The following ITGA1 variants were observed in gnomAD, a reference collection of about 807,000 sequenced individuals.
ITGA1 encodes the protein integrin subunit alpha 1, also known as integrin alpha-1.
ITGA1 carries 85 observed loss-of-function variants against 145.9 expected under a neutral mutation model. The observed-to-expected ratio is 0.58, with a 90% CI of 0.49 to 0.70. ITGA1 has a LOEUF of 0.70. Among genes scored for constraint, ITGA1 ranks in the 30% least tolerant of loss-of-function variants. ITGA1 has a pLI of 0.00. For synonymous variants in ITGA1, 520 were observed against 495.3 expected, an observed-to-expected ratio of 1.05 and a Z score of -0.66; for missense variants, 1,351 against 1,418.7, an observed-to-expected ratio of 0.95 and a Z score of 0.77.
chr5:52,812,576 A>T (rs1009531207), intron 1 of ITGA1, among the ~76,000 whole-genome samples: 3 of 152,158 alleles, frequency 2.0e-5, no homozygotes, highest in Non-Finnish European at 4.4e-5. Flanking sequence ...GGACTAGAAA[A>T]TCTTGGATCT....
chr5:52,893,441 C>T (rs1203901785), intron 8 of ITGA1, among the ~76,000 whole-genome samples: 2 of 152,182 alleles, frequency 1.3e-5, no homozygotes, highest in African/African-American at 4.8e-5. Flanking sequence ...GAAATTTTCA[C>T]AGACATACAA....
At chr5:52,901,789 A>C (rs1269686220) in intron 11 of ITGA1, 1 of 152,200 alleles carries the variant, frequency 6.6e-6, no homozygotes, top group Non-Finnish European at 1.5e-5. Flanking sequence ...CAGTATTTAT[A>C]ATATATGACT....
intron 1 of ITGA1, among the ~76,000 whole-genome samples, chr5:52,844,675 T>C (rs1387179098): frequency 6.6e-6 from 1 of 152,228 alleles, no homozygotes; most frequent in Non-Finnish European, 1.5e-5. Context: ...TTTCAATTGC[T>C]GGTACATGTG....
At chr5:52,911,983 A>ACTATATATAC (rs1554046455) in intron 14 of ITGA1, among the ~76,000 whole-genome samples, 35 of 71,644 alleles carry the variant, frequency 4.9e-4, no homozygotes, top group African/African-American at 1.5e-3. Context: ...TATATATACT[A>ACTATATATAC]TATGTATAGT....
At position 52,920,376 on chromosome 5, in the gene ITGA1, C is replaced by G. The variant is rs1199064994; in HGVS notation, c.2200C>G (p.Arg734Gly). The G allele has an allele frequency of 6.2e-7, 1 of 1,611,228 alleles. No homozygotes were observed. ...VTLDSLRQIS[R>G]SFFSGTQERK... ...CCTAGATTCACTAAGACAAATATCA[C>G]GAAGTTTTTTCTCTGGAACTCAAGA... The change falls in exon 17 of 29, where the codon CGA (arginine) becomes GGA (glycine). Residue 734 changes from arginine to glycine, a missense_variant. Coordinates refer to ENST00000282588, the MANE Select transcript of ITGA1 (RefSeq NM_181501.2).
Position 52,788,266 on chromosome 5 carries a change from T to A in ITGA1, c.-88T>A. The A allele has an allele frequency of 9.5e-7, 1 of 1,047,404 alleles. No homozygotes were observed. The highest frequency in any genetic ancestry group is 1.3e-6 in the Non-Finnish European group (1 of 772,790). The allele number at this position is 1,047,404 out of a possible 1,614,324, so 64.9% of individuals were successfully genotyped here. On this transcript the variant is annotated 5_prime_UTR_variant, in exon 1 of 29. Transcript: ENST00000282588. The stretch of plus-strand genomic sequence containing the variant: ...AGGACTGGGAACCGCGGCAGCGGGA[T>A]AAGTGGCCCAGCCAGAGAGCGCAGC...
chr5:52,945,482 T>A (rs1246256296), intron 27 of ITGA1, among the ~76,000 whole-genome samples: 3 of 152,146 alleles, frequency 2.0e-5, no homozygotes, highest in African/African-American at 7.2e-5. Context: ...CAAATTTCAT[T>A]GAGAAATTTG....
chr5:52,820,126 C>T (rs1489945132), intron 1 of ITGA1, among the ~76,000 whole-genome samples: 6 of 151,834 alleles, frequency 4.0e-5, no homozygotes, highest in Non-Finnish European at 5.9e-5. Context: ...CTTGGCAATG[C>T]AGGCTCATTT....
intron 1 of ITGA1, 36 bp from the exon 2 acceptor site, chr5:52,849,329 A>G (rs776860557): frequency 1.6e-5 from 25 of 1,559,290 alleles, no homozygotes; most frequent in Non-Finnish European, 2.0e-5. Flanking sequence ...ACTCTTAGTT[A>G]ACTCTATGTA....
rs1749970540 is a variant in ITGA1 at position 52,882,093 on chromosome 5, T to G, written c.773+72T>G. 2.3e-6 allele frequency: 3 copies of G among 1,315,750 alleles called. No individual in the cohort carries two copies. In the Admixed American group the frequency reaches 8.4e-5, roughly 37 times the overall value. The allele number at this position is 1,315,750 out of a possible 1,614,324, so 81.5% of individuals were successfully genotyped here. Reference sequence around the variant, plus strand: ...CTGCTCATGATTTAGCCTTTTGGCATATCAATTGAAAGTTTAATATGACAA... The same window carrying G: ...CTGCTCATGATTTAGCCTTTTGGCAGATCAATTGAAAGTTTAATATGACAA... On this transcript the variant is annotated intron_variant, in intron 7 of 28. Transcript: ENST00000282588.
chr5:52,869,665 T>C (rs1749747883), intron 6 of ITGA1, among the ~76,000 whole-genome samples: 1 of 152,218 alleles, frequency 6.6e-6, no homozygotes, highest in South Asian at 2.1e-4. Context: ...AAGTCCTCAA[T>C]GAGCACTTGT....
chr5:52,910,191 A>C lies in ITGA1; in HGVS notation c.1629A>C (p.Glu543Asp). 1 of 1,611,288 alleles carries C rather than the reference A, an allele frequency of 6.2e-7. No individual in the cohort carries two copies. The highest frequency in any genetic ancestry group is 2.2e-5 in the East Asian group (1 of 44,800). ...QTRFEYQMSLEPIKQTCCSSR... is the reference protein window; with the variant it reads ...QTRFEYQMSLDPIKQTCCSSR... Reference sequence around the variant, plus strand: ...GGTTTGAATATCAAATGAGCCTGGAACCTATTAAGCAGACGTGCTGTTCAT... The same window carrying C: ...GGTTTGAATATCAAATGAGCCTGGACCCTATTAAGCAGACGTGCTGTTCAT... Residue 543 changes from glutamate to aspartate, a missense_variant, in exon 14 of 29, where the codon GAA (glutamate) becomes GAC (aspartate). By Grantham distance (45) the Glu-to-Asp change is conservative. Transcript: ENST00000282588.
At chr5:52,857,075 C>T (rs1749526152) in intron 2 of ITGA1, among the ~76,000 whole-genome samples, 1 of 152,150 alleles carries the variant, frequency 6.6e-6, no homozygotes, top group Non-Finnish European at 1.5e-5. Context: ...AAGGCCTAGC[C>T]TTAGAAGTCA....
At chr5:52,935,088 G>A (rs555059604) in intron 23 of ITGA1, among the ~76,000 whole-genome samples, 9 of 152,012 alleles carry the variant, frequency 5.9e-5, no homozygotes, top group Admixed American at 2.6e-4. Context: ...ACTTATTAGG[G>A]TCCAGATTTG....
intron 1 of ITGA1, among the ~76,000 whole-genome samples, chr5:52,811,916 T>G (rs1038063910): frequency 3.3e-5 from 5 of 152,180 alleles, no homozygotes; most frequent in African/African-American, 4.8e-5. Flanking sequence ...AGTTTTAAAA[T>G]CATGGTGATG....
At chr5:52,896,078 G>A (rs1434120894) in intron 9 of ITGA1, among the ~76,000 whole-genome samples, 1 of 152,198 alleles carries the variant, frequency 6.6e-6, no homozygotes, top group Non-Finnish European at 1.5e-5. Flanking sequence ...AGCACTGGGA[G>A]AAAATGCCAA....
intron 14 of ITGA1, among the ~76,000 whole-genome samples, chr5:52,912,456 G>T (rs377417791): frequency 1.5e-3 from 179 of 121,998 alleles, no homozygotes; most frequent in Non-Finnish European, 1.8e-3. Flanking sequence ...ATCCACTATA[G>T]GTATTATATA....
At chr5:52,838,552 A>T (rs1749200062) in intron 1 of ITGA1, among the ~76,000 whole-genome samples, 1 of 152,210 alleles carries the variant, frequency 6.6e-6, no homozygotes, top group Admixed American at 6.5e-5. Context: ...AAGAAATGTT[A>T]TGAATCCGTA....
intron 14 of ITGA1, among the ~76,000 whole-genome samples, chr5:52,912,326 CATATATAGTGTATCCAGTATATGTATT>C (rs1315970135): frequency 8.2e-4 from 115 of 141,000 alleles, no homozygotes; most frequent in East Asian, 2.1e-3. Flanking sequence ...CTATATATTT[CATATATAGTGTATCCAGTATATGTATT>C]ATATATAGTG....
Sources: allele counts gnomAD v4.1 joint callset (sites outside exome capture counted in the v4.1 genomes callset), GRCh38; gene constraint gnomAD v4.1.1; transcripts MANE v1.5; gene names NCBI Gene and HGNC (gene_info 2026-07-23, HGNC 2026-07-21).